MMP16: variants seen among roughly 807,000 people sequenced by gnomAD.
MMP16 encodes the protein matrix metallopeptidase 16.
MMP16 carries 12 observed loss-of-function variants against 67.8 expected under a neutral mutation model. The ratio of observed to expected loss-of-function variants is 0.18; its 90% CI spans 0.11 to 0.29. MMP16 has a LOEUF of 0.29. Ranked by LOEUF, MMP16 falls within the 10% of genes least tolerant of loss-of-function variation. MMP16 has a pLI of 1.00. For missense variants in MMP16, 475 were observed against 765.7 expected (o/e 0.62, Z 4.48); for synonymous variants, 249 against 255.9 (o/e 0.97, Z 0.26).
At chr8:88,245,204 A>G (rs1048357173) in intron 1 of MMP16, among the ~76,000 whole-genome samples, 2 of 152,190 alleles carry the variant, frequency 1.3e-5, no homozygotes, top group Non-Finnish European at 2.9e-5. Flanking sequence ...GCTTAAATAC[A>G]TGTATAGATC....
intron 1 of MMP16, among the ~76,000 whole-genome samples, chr8:88,213,138 G>A (rs542123455): frequency 6.6e-6 from 1 of 152,226 alleles, no homozygotes; most frequent in South Asian, 2.1e-4. Flanking sequence ...CTGTACTTGT[G>A]CTGATTAAAC....
chr8:88,096,827 C>T (rs1226175595), intron 6 of MMP16, among the ~76,000 whole-genome samples: 1 of 151,950 alleles, frequency 6.6e-6, no homozygotes, highest in Non-Finnish European at 1.5e-5. Context: ...TCCAGCCAGA[C>T]TCATCCATGA....
At chr8:88,146,199 T>C (rs1445551148) in intron 4 of MMP16, among the ~76,000 whole-genome samples, 1 of 152,022 alleles carries the variant, frequency 6.6e-6, no homozygotes, top group Admixed American at 6.6e-5. Context: ...AAAATATTTT[T>C]GGGTTCAATA....
intron 4 of MMP16, among the ~76,000 whole-genome samples, chr8:88,146,289 CATA>C (rs1237653318): frequency 1.3e-5 from 2 of 151,816 alleles, no homozygotes; most frequent in Admixed American, 1.3e-4. Context: ...AATTATAAAA[CATA>C]ATAATAACAT....
intron 1 of MMP16, among the ~76,000 whole-genome samples, chr8:88,277,962 C>G (rs1489436136): frequency 6.6e-6 from 1 of 152,154 alleles, no homozygotes; most frequent in African/African-American, 2.4e-5. Flanking sequence ...CTACTGATTG[C>G]ACTGAATTAC....
At chr8:88,053,211 C>G (rs1476746983) in intron 8 of MMP16, among the ~76,000 whole-genome samples, 1 of 152,116 alleles carries the variant, frequency 6.6e-6, no homozygotes, top group East Asian at 1.9e-4. Flanking sequence ...GGGAAGGGTA[C>G]TCTTGGGCTG....
chr8:88,304,421 CATTCAA>C (rs1811181303), intron 1 of MMP16, among the ~76,000 whole-genome samples: 1 of 152,152 alleles, frequency 6.6e-6, no homozygotes, highest in African/African-American at 2.4e-5. Context: ...GACAGGCCAA[CATTCAA>C]ATTCAGGAAC....
chr8:88,179,051 T>C (rs1469993309), intron 3 of MMP16, among the ~76,000 whole-genome samples: 1 of 151,772 alleles, frequency 6.6e-6, no homozygotes, highest in Non-Finnish European at 1.5e-5. Flanking sequence ...GTAATAATGG[T>C]TGAGGATGTA....
At chr8:88,234,136 T>TG (rs1809905065) in intron 1 of MMP16, among the ~76,000 whole-genome samples, 1 of 152,196 alleles carries the variant, frequency 6.6e-6, no homozygotes, top group Non-Finnish European at 1.5e-5. Context: ...TTTTTATAGA[T>TG]GAAAAAACCA....
intron 4 of MMP16, among the ~76,000 whole-genome samples, chr8:88,121,071 G>GTTT (rs397974015): frequency 4.4e-4 from 61 of 137,914 alleles, no homozygotes; most frequent in African/African-American, 9.6e-4. Flanking sequence ...CTTGCTCTCA[G>GTTT]TTTTTTTTTT....
intron 4 of MMP16, among the ~76,000 whole-genome samples, chr8:88,134,115 C>T (rs1332159659): frequency 2.0e-5 from 3 of 151,690 alleles, no homozygotes; most frequent in South Asian, 2.1e-4. Context: ...TATGAATATG[C>T]AATTTTAAAT....
intron 1 of MMP16, among the ~76,000 whole-genome samples, chr8:88,273,235 C>A (rs758817553): frequency 6.8e-6 from 1 of 148,148 alleles, no homozygotes; most frequent in Non-Finnish European, 1.5e-5. Flanking sequence ...CAGGCACGTG[C>A]CACCATGCCT....
At chr8:88,116,857 G>GA (rs1233919758) in intron 5 of MMP16, 139 bp from the exon 6 acceptor site, 12 of 744,310 alleles carry the variant, frequency 1.6e-5, no homozygotes, top group South Asian at 7.4e-5. Flanking sequence ...TATATTTTCT[G>GA]AAAAAAACAA....
At chr8:88,210,265 A>C (rs1361239152) in intron 1 of MMP16, among the ~76,000 whole-genome samples, 2 of 152,176 alleles carry the variant, frequency 1.3e-5, no homozygotes, top group Non-Finnish European at 2.9e-5. Context: ...CACTCAGTTT[A>C]TGTCTATTGC....
intron 1 of MMP16, among the ~76,000 whole-genome samples, chr8:88,259,127 T>C (rs1330790400): frequency 6.6e-6 from 1 of 152,108 alleles, no homozygotes; most frequent in East Asian, 1.9e-4. Flanking sequence ...TGAACTGTCA[T>C]TTGAACCCAC....
chr8:88,326,435 C>T (rs1289305761), intron 1 of MMP16, among the ~76,000 whole-genome samples: 1 of 151,962 alleles, frequency 6.6e-6, no homozygotes, highest in East Asian at 1.9e-4. Context: ...TTACATTGGG[C>T]CACGTTTATT....
At chr8:88,205,156 T>C (rs926074414) in intron 1 of MMP16, among the ~76,000 whole-genome samples, 2 of 152,216 alleles carry the variant, frequency 1.3e-5, no homozygotes, top group Admixed American at 6.5e-5. Context: ...CTATAACCTC[T>C]GTAATGATGA....
At chr8:88,234,930 T>C (rs1373256609) in intron 1 of MMP16, among the ~76,000 whole-genome samples, 1 of 152,172 alleles carries the variant, frequency 6.6e-6, no homozygotes, top group Admixed American at 6.5e-5. Flanking sequence ...ATGGATCAGG[T>C]GTTATTAACC....
chr8:88,203,990 C>T (rs1466048769), intron 1 of MMP16, among the ~76,000 whole-genome samples: 2 of 152,112 alleles, frequency 1.3e-5, no homozygotes, highest in Non-Finnish European at 2.9e-5. Flanking sequence ...GAAAGATATG[C>T]CATGCCAACT....
Sources: allele counts gnomAD v4.1 joint callset (sites outside exome capture counted in the v4.1 genomes callset), GRCh38; gene constraint gnomAD v4.1.1; transcripts MANE v1.5; gene names NCBI Gene and HGNC (gene_info 2026-07-23, HGNC 2026-07-21).